Variants in SOX5 observed in about 807,000 individuals in gnomAD.
The protein encoded by SOX5 is transcription factor SOX-5.
A neutral mutation model predicts 92.0 loss-of-function variants in SOX5; 9 were observed. That is an observed-to-expected ratio of 0.10 (90% confidence interval 0.06 to 0.17). The LOEUF is 0.17. Among genes scored for constraint, SOX5 ranks in the 10% least tolerant of loss-of-function variants. SOX5 has a pLI of 1.00. For missense variants in SOX5, 642 were observed against 944.5 expected (o/e 0.68, Z 4.20); for synonymous variants, 344 against 336.3 (o/e 1.02, Z -0.25).
chr12:24,082,961 C>T (rs1943548596), intron 4 of SOX5, among the ~76,000 whole-genome samples: 1 of 151,928 alleles, frequency 6.6e-6, no homozygotes, highest in Admixed American at 6.6e-5. Context: ...TGGCAACAAA[C>T]TTCTCAGTTA....
Position 23,590,134 on chromosome 12 carries a change from C to T in SOX5, c.1164+14253G>A, listed in dbSNP as rs1188105281. Reference sequence around the variant, plus strand: ...AGTGAAATGAACAGGGCAGAAGCAACCCAGAGAGGTCCAGTGTCACAAACA... The same window carrying T: ...AGTGAAATGAACAGGGCAGAAGCAATCCAGAGAGGTCCAGTGTCACAAACA... On this transcript the variant is annotated intron_variant, in intron 9 of 14. Transcript: ENST00000451604. Among the ~76,000 whole-genome samples, 2 of 151,826 alleles carry T rather than the reference C, an allele frequency of 1.3e-5. 1 individual carries two copies. The highest frequency in any genetic ancestry group is 3.9e-4 in the East Asian group (2 of 5,180).
intron 1 of SOX5, among the ~76,000 whole-genome samples, chr12:24,484,874 G>C (rs547339022): frequency 2.5e-4 from 38 of 152,212 alleles, no homozygotes; most frequent in African/African-American, 8.7e-4. Flanking sequence ...TAAAACATAA[G>C]TAAATGATAA....
chr12:24,241,028 T>A (rs1388048981), intron 3 of SOX5, among the ~76,000 whole-genome samples: 1 of 152,190 alleles, frequency 6.6e-6, no homozygotes, highest in African/African-American at 2.4e-5. Context: ...AATAGAAAGA[T>A]TGGTTTGATG....
intron 3 of SOX5, among the ~76,000 whole-genome samples, chr12:24,258,146 C>T (rs936727764): frequency 1.3e-5 from 2 of 152,136 alleles, no homozygotes; most frequent in African/African-American, 4.8e-5. Flanking sequence ...GCACTCCAGC[C>T]TGGTAACAGA....
At chr12:24,351,012 C>A (rs892111871) in intron 2 of SOX5, among the ~76,000 whole-genome samples, 1 of 152,112 alleles carries the variant, frequency 6.6e-6, no homozygotes, top group South Asian at 2.1e-4. Flanking sequence ...GAGCTGAGTT[C>A]ATACCACTCC....
At chr12:24,048,315 T>G (rs1957241376) in intron 4 of SOX5, among the ~76,000 whole-genome samples, 1 of 152,154 alleles carries the variant, frequency 6.6e-6, no homozygotes, top group South Asian at 2.1e-4. Context: ...CTCATGCCTA[T>G]TTACTATTCT....
At chr12:23,748,837 C>T (rs2094088678) in intron 4 of SOX5, among the ~76,000 whole-genome samples, 1 of 151,838 alleles carries the variant, frequency 6.6e-6, no homozygotes, top group Admixed American at 6.6e-5. Flanking sequence ...ATTGTATTGC[C>T]TTTTAATATT....
chr12:23,809,918 C>T (rs578015679), intron 3 of SOX5, among the ~76,000 whole-genome samples: 2 of 151,888 alleles, frequency 1.3e-5, no homozygotes, highest in South Asian at 2.1e-4. Context: ...ATAGTAAATG[C>T]CTCTTATGAT....
At chr12:23,738,889 A>G (rs1434733427) in intron 5 of SOX5, among the ~76,000 whole-genome samples, 4 of 152,228 alleles carry the variant, frequency 2.6e-5, no homozygotes, top group Non-Finnish European at 5.9e-5. Context: ...TCATGGGGAT[A>G]AAGCAAGAGG....
intron 8 of SOX5, among the ~76,000 whole-genome samples, chr12:23,608,787 A>G (rs1219642524): frequency 6.6e-6 from 1 of 152,216 alleles, no homozygotes; most frequent in Non-Finnish European, 1.5e-5. Flanking sequence ...CACATGGTAA[A>G]GAATGCCTGA....
At chr12:24,555,703 T>A (rs773345539) in intron 1 of SOX5, among the ~76,000 whole-genome samples, 1 of 151,984 alleles carries the variant, frequency 6.6e-6, no homozygotes, top group Admixed American at 6.5e-5. Context: ...AACTCAAAAC[T>A]CAAAGAGACC....
At chr12:23,917,060 T>C (rs888225029) in intron 1 of SOX5, among the ~76,000 whole-genome samples, 9 of 152,196 alleles carry the variant, frequency 5.9e-5, no homozygotes, top group Non-Finnish European at 1.2e-4. Flanking sequence ...CCTGAACTAT[T>C]CCTTAATTCA....
intron 4 of SOX5, among the ~76,000 whole-genome samples, chr12:24,050,162 C>T (rs1391790): frequency 0.85 from 127,683 of 149,714 alleles, 56,212 homozygotes; most frequent in Non-Finnish European, 0.96. Flanking sequence ...TCATTACAAA[C>T]GTCTTTGAGG....
At chr12:23,793,226 C>T (rs1024909696) in intron 3 of SOX5, among the ~76,000 whole-genome samples, 22 of 152,110 alleles carry the variant, frequency 1.4e-4, no homozygotes, top group African/African-American at 5.3e-4. Flanking sequence ...TCATGAATGA[C>T]TACAAATTTT....
chr12:23,651,468 C>T (rs1222707926), intron 7 of SOX5, among the ~76,000 whole-genome samples: 1 of 151,964 alleles, frequency 6.6e-6, no homozygotes, highest in African/African-American at 2.4e-5. Context: ...AACTAATTTC[C>T]ATTCAATTAA....
intron 1 of SOX5, among the ~76,000 whole-genome samples, chr12:24,371,982 T>C (rs1291121293): frequency 6.6e-6 from 1 of 150,680 alleles, no homozygotes; most frequent in African/African-American, 2.4e-5. Flanking sequence ...AGTGAGACTC[T>C]GCCTTTAAAA....
chr12:24,385,729 G>A (rs941775436), intron 1 of SOX5, among the ~76,000 whole-genome samples: 6 of 151,954 alleles, frequency 3.9e-5, no homozygotes, highest in Non-Finnish European at 7.4e-5. Flanking sequence ...CTTGAGCTCA[G>A]GAGTTTGAGA....
upstream of SOX5, among the ~76,000 whole-genome samples, chr12:23,955,406 T>C (rs898830453): frequency 2.6e-5 from 4 of 152,210 alleles, no homozygotes; most frequent in South Asian, 8.3e-4. Flanking sequence ...AATTTGGCTC[T>C]ATTTTTAAGA....
chr12:23,607,294 A>G (rs1301404346), intron 8 of SOX5, among the ~76,000 whole-genome samples: 2 of 152,214 alleles, frequency 1.3e-5, no homozygotes, highest in African/African-American at 4.8e-5. Context: ...AGCAAAAATG[A>G]ACCCCGTCTT....
Sources: gnomAD v4.1 joint callset for allele counts (sites outside exome capture counted in the v4.1 genomes callset) on GRCh38, gnomAD v4.1.1 for gene constraint, MANE v1.5 for transcripts, NCBI Gene and HGNC (gene_info 2026-07-23, HGNC 2026-07-21) for gene names.